Variants in CRB1 observed in about 807,000 individuals in gnomAD.
CRB1 encodes protein crumbs homolog 1.
CRB1 carries 83 observed loss-of-function variants against 120.0 expected under a neutral mutation model. That is an observed-to-expected ratio of 0.69 (90% CI 0.58 to 0.83). The LOEUF is 0.83. Ranked by LOEUF, CRB1 falls within the 40% of genes least tolerant of loss-of-function variation. The pLI is 0.00. For missense variants in CRB1, 1,699 were observed against 1,687.6 expected (o/e 1.01, Z -0.12); for synonymous variants, 625 against 612.5 (o/e 1.02, Z -0.30).
At chr1:197,228,440 A>G in the CRB1 span, among the ~76,000 whole-genome samples, 1 of 152,308 alleles carries the variant, frequency 6.6e-6, no homozygotes, top group South Asian at 2.1e-4. Context: ...GCGGGGCAAT[A>G]TGCCACCAGT....
chr1:197,225,846 G>T, the CRB1 span, among the ~76,000 whole-genome samples: 6 of 152,262 alleles, frequency 3.9e-5, no homozygotes, highest in Middle Eastern at 6.8e-3. Context: ...GGTTTTAAGA[G>T]TTCATTTTGT....
intron 11 of CRB1, among the ~76,000 whole-genome samples, chr1:197,469,850 G>C (rs759113253): frequency 6.6e-6 from 1 of 151,852 alleles, no homozygotes; most frequent in Non-Finnish European, 1.5e-5. Context: ...TTCTAGATAC[G>C]AGGGGCAGGA....
chr1:197,454,535 A>T (rs1210132941), intron 11 of CRB1, among the ~76,000 whole-genome samples: 1 of 152,114 alleles, frequency 6.6e-6, no homozygotes, highest in Non-Finnish European at 1.5e-5. Flanking sequence ...TTTTCCCGTC[A>T]GAACACATTT....
chr1:197,212,390 G>T, the CRB1 span, among the ~76,000 whole-genome samples: 2 of 151,984 alleles, frequency 1.3e-5, no homozygotes, highest in African/African-American at 4.8e-5. Flanking sequence ...ACCGATAAAT[G>T]GATAAATAAT....
rs186676373 is a variant in CRB1 at position 197,423,986 on chromosome 1, C to A, written c.2128+2030C>A. Among the ~76,000 whole-genome samples the A allele has an allele frequency of 2.1e-3, 327 of 152,318 alleles. 1 individual carries two copies. The highest frequency in any genetic ancestry group is 7.7e-3 in the African/African-American group (320 of 41,570). ...GTAAGAACATGCAGCATTCAAGATA[C>A]TACTACTCAGAATAAATGGCATCAC... is the stretch of plus-strand genomic sequence containing the variant. On this transcript the variant is annotated intron_variant, in intron 6 of 11. Coordinates refer to ENST00000367400, the MANE Select transcript of CRB1 (RefSeq NM_201253.3).
At chr1:197,415,937 C>T (rs898937790) in intron 5 of CRB1, among the ~76,000 whole-genome samples, 9 of 152,084 alleles carry the variant, frequency 5.9e-5, no homozygotes, top group East Asian at 1.9e-4. Flanking sequence ...CCACTGCGTC[C>T]GCCCACAAGG....
chr1:197,404,441 C>CAAAAAAAAAAAA (rs558125777), intron 5 of CRB1, among the ~76,000 whole-genome samples: 2 of 58,718 alleles, frequency 3.4e-5, no homozygotes, highest in African/African-American at 5.9e-5. Flanking sequence ...GACTCCGTCT[C>CAAAAAAAAAAAA]AAAAAAAAAA....
At chr1:197,388,110 C>G (rs142361506) in intron 5 of CRB1, among the ~76,000 whole-genome samples, 66 of 151,744 alleles carry the variant, frequency 4.3e-4, no homozygotes, top group African/African-American at 1.4e-3. Context: ...CTTTATTATC[C>G]CCTATTCTTG....
At chr1:197,354,303 TAAAC>T (rs1660298662) in intron 4 of CRB1, among the ~76,000 whole-genome samples, 1 of 152,206 alleles carries the variant, frequency 6.6e-6, no homozygotes, top group Admixed American at 6.5e-5. Context: ...ACTGTAGGGT[TAAAC>T]TCAAAACGCT....
chr1:197,314,002 G>T (rs1402056705), intron 1 of CRB1, among the ~76,000 whole-genome samples: 1 of 152,098 alleles, frequency 6.6e-6, no homozygotes, highest in Non-Finnish European at 1.5e-5. Context: ...GTTTAAAAAC[G>T]CCTGGCTAAG....
chr1:197,222,167 T>C, the CRB1 span: 21 of 412,016 alleles, frequency 5.1e-5, no homozygotes, highest in Non-Finnish European at 9.2e-5. Flanking sequence ...AGTGCTTGCC[T>C]GTGTCCTGCC....
At chr1:197,462,472 T>G (rs1666573358) in intron 11 of CRB1, among the ~76,000 whole-genome samples, 2 of 152,138 alleles carry the variant, frequency 1.3e-5, no homozygotes, top group Admixed American at 1.3e-4. Flanking sequence ...TCTGGAAACA[T>G]TAAATCCTCT....
intron 5 of CRB1, among the ~76,000 whole-genome samples, chr1:197,370,145 G>A (rs1317399998): frequency 1.3e-5 from 2 of 151,914 alleles, no homozygotes; most frequent in Non-Finnish European, 2.9e-5. Context: ...CTGCTAAAAA[G>A]CAGCTCTAAA....
At chr1:197,289,417 C>T (rs1656032931) in intron 1 of CRB1, among the ~76,000 whole-genome samples, 1 of 151,568 alleles carries the variant, frequency 6.6e-6, no homozygotes, top group African/African-American at 2.4e-5. Flanking sequence ...TTTCTTAATG[C>T]ATTTTCTTTA....
At chr1:197,312,263 T>C (rs1191022466) in intron 1 of CRB1, among the ~76,000 whole-genome samples, 1 of 152,104 alleles carries the variant, frequency 6.6e-6, no homozygotes, top group African/African-American at 2.4e-5. Context: ...CCTCTGTCAG[T>C]CATAAAACAT....
intron 5 of CRB1, among the ~76,000 whole-genome samples, chr1:197,409,325 A>G (rs953903981): frequency 6.6e-6 from 1 of 152,222 alleles, no homozygotes; most frequent in Admixed American, 6.5e-5. Context: ...AGCTTTTGGC[A>G]TAACACATTT....
At chr1:197,405,840 G>A (rs1234471967) in intron 5 of CRB1, among the ~76,000 whole-genome samples, 4 of 151,350 alleles carry the variant, frequency 2.6e-5, no homozygotes, top group Non-Finnish European at 4.4e-5. Context: ...CCTCCACCTG[G>A]CAGCCACCCC....
chr1:197,295,982 A>ATTTCT (rs1656495216), intron 1 of CRB1, among the ~76,000 whole-genome samples: 1 of 69,492 alleles, frequency 1.4e-5, no homozygotes, highest in Non-Finnish European at 3.0e-5. Context: ...TTAAAAAAAA[A>ATTTCT]TTTAAGACAA....
At chr1:197,225,646 C>G in the CRB1 span, among the ~76,000 whole-genome samples, 1 of 152,206 alleles carries the variant, frequency 6.6e-6, no homozygotes, top group African/African-American at 2.4e-5. Context: ...TACACTTACT[C>G]TTAATTACTC....
Sources: gnomAD v4.1 joint callset for allele counts (sites outside exome capture counted in the v4.1 genomes callset) on GRCh38, gnomAD v4.1.1 for gene constraint, MANE v1.5 for transcripts, NCBI Gene and HGNC (gene_info 2026-07-23, HGNC 2026-07-21) for gene names.